ZNF536: variants seen among roughly 807,000 people sequenced by gnomAD.
The protein encoded by ZNF536 is zinc finger protein 536.
Under a neutral mutation model 84.5 loss-of-function variants are expected in ZNF536, and 13 were observed. The observed-to-expected ratio is 0.15, with a 90% CI of 0.10 to 0.24. The LOEUF is 0.24. Ranked by LOEUF, ZNF536 falls within the 10% of genes least tolerant of loss-of-function variation. The probability of loss-of-function intolerance (pLI) is 1.00; values close to 1 mark genes in which losing one functional copy is unlikely to be tolerated. For synonymous variants in ZNF536, 811 were observed against 742.5 expected (o/e 1.09, Z -1.50); for missense variants, 1,536 against 1,747.5 (o/e 0.88, Z 2.16).
intron 1 of ZNF536, among the ~76,000 whole-genome samples, chr19:30,408,077 T>C (rs1226379921): frequency 2.0e-5 from 3 of 152,098 alleles, no homozygotes; most frequent in Non-Finnish European, 4.4e-5. Context: ...TACTTTTGGA[T>C]TGGAGGTGGG....
rs568292384 is a variant in ZNF536, at chr19:30,322,335, G to A, written c.-119-30033G>A. Among the ~76,000 whole-genome samples the A allele has an allele frequency of 5.3e-5, 8 of 152,248 alleles. No homozygotes were observed. The East Asian group carries it at 1.5e-3, about 29-fold the overall frequency. The stretch of plus-strand genomic sequence containing the variant: ...AATACTATGATGATCATCTTTGTAT[G>A]AAGAAGACAATTTTTCCCCCTCATT... On this transcript the variant is annotated intron_variant, in intron 2 of 5. Coordinates refer to the ZNF536 transcript ENST00000585628.
At chr19:30,479,946 G>C (rs1056315614) in intron 2 of ZNF536, among the ~76,000 whole-genome samples, 1 of 152,194 alleles carries the variant, frequency 6.6e-6, no homozygotes, top group African/African-American at 2.4e-5. Context: ...AGCCTTCAGG[G>C]CTGGTTCCAA....
chr19:30,619,425 G>T (rs932690513), intron 1 of ZNF536, among the ~76,000 whole-genome samples: 3 of 152,140 alleles, frequency 2.0e-5, no homozygotes, highest in Non-Finnish European at 2.9e-5. Context: ...CTCCTCCATG[G>T]TGCCAAGCAG....
At chr19:30,549,981 C>A (rs2045711688) in intron 4 of ZNF536, among the ~76,000 whole-genome samples, 2 of 152,224 alleles carry the variant, frequency 1.3e-5, no homozygotes, top group Admixed American at 6.5e-5. Context: ...TTAGAGGATA[C>A]TAAAATCATA....
intron 1 of ZNF536, among the ~76,000 whole-genome samples, chr19:30,670,116 A>G (rs2050486962): frequency 6.6e-6 from 1 of 152,140 alleles, no homozygotes; most frequent in South Asian, 2.1e-4. Flanking sequence ...TCTTGTGGCT[A>G]GGTGCCAGAA....
intron 1 of ZNF536, among the ~76,000 whole-genome samples, chr19:30,283,137 A>C (rs895371762): frequency 6.6e-6 from 1 of 152,222 alleles, no homozygotes; most frequent in African/African-American, 2.4e-5. Flanking sequence ...GATTTTCTGA[A>C]TCCATAGCGA....
intron 2 of ZNF536, among the ~76,000 whole-genome samples, chr19:30,531,346 G>A (rs971911631): frequency 2.0e-5 from 3 of 152,062 alleles, no homozygotes; most frequent in East Asian, 1.9e-4. Context: ...CGGCCGTATC[G>A]CTATTTTTAT....
chr19:30,347,906 G>C (rs2047801073), intron 2 of ZNF536, among the ~76,000 whole-genome samples: 1 of 152,198 alleles, frequency 6.6e-6, no homozygotes, highest in Non-Finnish European at 1.5e-5. Flanking sequence ...CCCCTAAACA[G>C]CAAACAGGCA....
At chr19:30,264,930 CGTGTGT>C (rs71333450) in intron 1 of ZNF536, among the ~76,000 whole-genome samples, 67 of 135,714 alleles carry the variant, frequency 4.9e-4, no homozygotes, top group Admixed American at 3.8e-3. Flanking sequence ...TGTCAATAGT[CGTGTGT>C]GTGTGTGTGT....
At chr19:30,484,012 G>C (rs2054193603) in intron 2 of ZNF536, among the ~76,000 whole-genome samples, 1 of 151,710 alleles carries the variant, frequency 6.6e-6, no homozygotes, top group Non-Finnish European at 1.5e-5. Context: ...GCTGACTTCT[G>C]CCTTCCTTTG....
intron 1 of ZNF536, among the ~76,000 whole-genome samples, chr19:30,422,396 G>A (rs2050999815): frequency 6.6e-6 from 1 of 152,076 alleles, no homozygotes; most frequent in African/African-American, 2.4e-5. Context: ...CCCTAAGTAA[G>A]CTAAGAACCC....
intron 1 of ZNF536, among the ~76,000 whole-genome samples, chr19:30,656,147 C>T (rs946992543): frequency 1.3e-5 from 2 of 152,170 alleles, no homozygotes; most frequent in African/African-American, 4.8e-5. Flanking sequence ...GTTCTAGAGT[C>T]CTGGAGACCT....
At chr19:30,244,855 G>C (rs2024163752) in intron 1 of ZNF536, among the ~76,000 whole-genome samples, 1 of 152,190 alleles carries the variant, frequency 6.6e-6, no homozygotes, top group Non-Finnish European at 1.5e-5. Flanking sequence ...AGAGACAGCT[G>C]TTTCTTACCT....
intron 1 of ZNF536, among the ~76,000 whole-genome samples, chr19:30,377,417 A>T (rs2048859864): frequency 6.6e-6 from 1 of 152,168 alleles, no homozygotes; most frequent in Admixed American, 6.5e-5. Context: ...TCCAGACCCC[A>T]AGAGAGGCTT....
At chr19:30,449,357 A>G (rs2052493640) in intron 2 of ZNF536, among the ~76,000 whole-genome samples, 1 of 152,134 alleles carries the variant, frequency 6.6e-6, no homozygotes, top group South Asian at 2.1e-4. Flanking sequence ...GCTTGCATGC[A>G]AACACTCTTA....
intron 2 of ZNF536, among the ~76,000 whole-genome samples, chr19:30,496,778 G>A (rs1047484067): frequency 2.6e-5 from 4 of 152,050 alleles, no homozygotes; most frequent in Admixed American, 2.6e-4. Flanking sequence ...GGTTGGCCTC[G>A]AGTAGATGCT....
intron 1 of ZNF536, among the ~76,000 whole-genome samples, chr19:30,618,339 T>G (rs563871319): frequency 7.9e-5 from 12 of 152,314 alleles, no homozygotes; most frequent in Non-Finnish European, 1.6e-4. Flanking sequence ...GTGTTCTGTC[T>G]TTGCCAATCA....
At chr19:30,234,917 C>G (rs940994273) in intron 1 of ZNF536, among the ~76,000 whole-genome samples, 1 of 152,102 alleles carries the variant, frequency 6.6e-6, no homozygotes, top group South Asian at 2.1e-4. Context: ...CTCATAATTC[C>G]CATAAATTTG....
At position 30,460,320 on chromosome 19, in the gene ZNF536, G is replaced by A. The variant is rs562632450; in HGVS notation, c.2170+14588G>A. Among the ~76,000 whole-genome samples the A allele has an allele frequency of 7.2e-5, 11 of 152,268 alleles. No homozygotes were observed. In the South Asian group the frequency reaches 8.3e-4, roughly 11 times the overall value. On this transcript the variant is annotated intron_variant, in intron 2 of 4. Coordinates refer to ENST00000355537, the MANE Select transcript of ZNF536 (RefSeq NM_014717.3). ...GAAGCTTTCTCACAGAGATTCAGACGGAGGAGGAGGCATGGAGCTTGGGCA... is the reference window on the plus strand; with the variant it reads ...GAAGCTTTCTCACAGAGATTCAGACAGAGGAGGAGGCATGGAGCTTGGGCA...
Sources: allele counts gnomAD v4.1 joint callset (sites outside exome capture counted in the v4.1 genomes callset), GRCh38; gene constraint gnomAD v4.1.1; transcripts MANE v1.5; gene names NCBI Gene and HGNC (gene_info 2026-07-23, HGNC 2026-07-21).